AK9: variants seen among roughly 807,000 people sequenced by gnomAD.
The protein encoded by AK9 is adenylate kinase 9, also known as adenylate kinase domain containing 1.
Under a neutral mutation model 239.6 loss-of-function variants are expected in AK9, and 191 were observed. The ratio of observed to expected loss-of-function variants is 0.80; its 90% CI spans 0.71 to 0.90. AK9 has a LOEUF of 0.90. Among genes scored for constraint, AK9 ranks in the 40% least tolerant of loss-of-function variants. The pLI is 0.00. For synonymous variants in AK9, 689 were observed against 721.0 expected, an observed-to-expected ratio of 0.96 and a Z score of 0.71; for missense variants, 1,995 against 2,214.7, an observed-to-expected ratio of 0.90 and a Z score of 1.99.
chr6:109,516,483 C>T lies in AK9; in HGVS notation c.3793G>A (p.Gly1265Ser). 6.4e-7 allele frequency: 1 copy of T among 1,551,678 alleles called. No homozygotes were observed. Among genetic ancestry groups the T allele is most frequent in the African/African-American group, 1.4e-5 (1 of 73,120 alleles). Residue 1265 changes from glycine (G) to serine (S), a missense_variant, in exon 30 of 41, where the codon GGT becomes AGT. Around this residue, in one of 5 missense-constraint regions of AK9, gnomAD observed 1,290 missense variants for 1,392.7 expected, o/e 0.93. Transcript: ENST00000424296. ...GCTTCAAATTTTTCTCCTAGTTCACCTCTCAGGCGCTCAATTGCATCAGTT... is the reference window on the plus strand; with the variant it reads ...GCTTCAAATTTTTCTCCTAGTTCACTTCTCAGGCGCTCAATTGCATCAGTT... ...QETDAIERLR[G>S]ELGEKFEADT...
chr6:109,598,989 G>A (rs1000200590), intron 17 of AK9, among the ~76,000 whole-genome samples: 8 of 151,264 alleles, frequency 5.3e-5, no homozygotes, highest in African/African-American at 1.5e-4. Context: ...TTGTCAGATG[G>A]GTAGATTGCA....
At chr6:109,665,006 C>T (rs1320999942) in intron 5 of AK9, among the ~76,000 whole-genome samples, 2 of 152,082 alleles carry the variant, frequency 1.3e-5, no homozygotes, top group Non-Finnish European at 2.9e-5. Context: ...CACCACTGCA[C>T]TCCAGCCTGG....
At chr6:109,534,860 G>T (rs897842087) in intron 27 of AK9, among the ~76,000 whole-genome samples, 5 of 152,040 alleles carry the variant, frequency 3.3e-5, no homozygotes, top group Non-Finnish European at 5.9e-5. Flanking sequence ...GCGGTGTTTG[G>T]TTTTTTGTCC....
At chr6:109,511,206 TC>T (rs1236722459) in intron 32 of AK9, among the ~76,000 whole-genome samples, 1 of 152,142 alleles carries the variant, frequency 6.6e-6, no homozygotes, top group Non-Finnish European at 1.5e-5. Flanking sequence ...AATATAATAT[TC>T]CTGTTTCACT....
In AK9 at chr6:109,672,408, C is replaced by T. The variant is rs111997269; in HGVS notation, c.182-241G>A. Among the ~76,000 whole-genome samples the T allele has an allele frequency of 6.8e-3, 1,031 of 152,250 alleles. 15 individuals are homozygous for T. The highest frequency in any genetic ancestry group is 0.023 in the African/African-American group (971 of 41,550). ...AGCTTAAGAATCTTGGAGAAGCGAA[C>T]ATGGTGACTCATGTCTGCAATCCCA... On this transcript the variant is annotated intron_variant, in intron 3 of 40. Coordinates refer to ENST00000424296, the MANE Select transcript of AK9 (RefSeq NM_001145128.3).
chr6:109,644,732 A>G (rs773722337), intron 8 of AK9, 44 bp from the exon 9 acceptor site: 4 of 1,505,248 alleles, frequency 2.7e-6, no homozygotes, highest in Non-Finnish European at 3.6e-6. Context: ...GGATCACTAG[A>G]AAAACTGAAT....
intron 40 of AK9, 69 bp from the exon 41 acceptor site, chr6:109,493,640 G>T: frequency 1.5e-6 from 2 of 1,351,666 alleles, no homozygotes; most frequent in Non-Finnish European, 2.1e-6. Context: ...AAAGAGACCT[G>T]GATGTGTGGT....
chr6:109,689,713 AGTTTT>A (rs1213355984), intron 1 of AK9, among the ~76,000 whole-genome samples: 4 of 152,164 alleles, frequency 2.6e-5, no homozygotes, highest in African/African-American at 9.7e-5. Flanking sequence ...CTGCCTTCAA[AGTTTT>A]GTCTTAGGAT....
chr6:109,520,953 G>C (rs1325492194), intron 29 of AK9, among the ~76,000 whole-genome samples: 1 of 151,976 alleles, frequency 6.6e-6, no homozygotes, highest in Non-Finnish European at 1.5e-5. Flanking sequence ...ATTGATTTTT[G>C]TATCCTGAAA....
At chr6:109,619,642 A>G (rs1323674002) in intron 12 of AK9, among the ~76,000 whole-genome samples, 1 of 152,134 alleles carries the variant, frequency 6.6e-6, no homozygotes, top group African/African-American at 2.4e-5. Context: ...ATTAACCACA[A>G]TCAAGATATA....
intron 21 of AK9, among the ~76,000 whole-genome samples, chr6:109,567,305 T>C (rs1189871220): frequency 1.3e-5 from 2 of 152,164 alleles, no homozygotes; most frequent in African/African-American, 2.4e-5. Flanking sequence ...TAAACACTTC[T>C]ACGCAAATAA....
intron 17 of AK9, among the ~76,000 whole-genome samples, chr6:109,600,640 T>A (rs1312887797): frequency 6.6e-6 from 1 of 152,228 alleles, no homozygotes; most frequent in Non-Finnish European, 1.5e-5. Context: ...TTGGATTAGT[T>A]TCAGAAGGAA....
At chr6:109,567,774 CCTAATG>C (rs1197839022) in intron 21 of AK9, among the ~76,000 whole-genome samples, 1 of 149,386 alleles carries the variant, frequency 6.7e-6, no homozygotes, top group Admixed American at 6.7e-5. Flanking sequence ...AGGAGATATA[CCTAATG>C]CAAATGACGA....
chr6:109,646,144 A>G (rs1422295941), intron 8 of AK9, among the ~76,000 whole-genome samples: 1 of 152,228 alleles, frequency 6.6e-6, no homozygotes, highest in African/African-American at 2.4e-5. Context: ...GAGAAACCAG[A>G]GCAGAACAGC....
intron 30 of AK9, 141 bp from the exon 31 acceptor site, chr6:109,516,216 T>G: frequency 1.1e-6 from 1 of 919,708 alleles, no homozygotes; most frequent in Non-Finnish European, 1.6e-6. Flanking sequence ...TGGCTGCATG[T>G]TGGTGACTAA....
At chr6:109,596,522 A>T (rs1791052418) in intron 17 of AK9, among the ~76,000 whole-genome samples, 1 of 152,152 alleles carries the variant, frequency 6.6e-6, no homozygotes, top group Non-Finnish European at 1.5e-5. Context: ...CCTGGCATGG[A>T]GTGGAAAGGA....
At chr6:109,615,258 C>CTTTTT (rs5879032) in intron 13 of AK9, among the ~76,000 whole-genome samples, 1 of 139,292 alleles carries the variant, frequency 7.2e-6, no homozygotes, top group African/African-American at 2.7e-5. Flanking sequence ...GTTCCCTTGG[C>CTTTTT]TTTTTTTTTT....
intron 17 of AK9, among the ~76,000 whole-genome samples, chr6:109,588,739 A>C (rs929759977): frequency 1.6e-4 from 25 of 152,108 alleles, no homozygotes; most frequent in African/African-American, 5.8e-4. Context: ...TTTTTAACCC[A>C]TGTTAATTTT....
intron 17 of AK9, among the ~76,000 whole-genome samples, chr6:109,601,799 C>G (rs1475892991): frequency 2.7e-5 from 4 of 150,906 alleles, no homozygotes; most frequent in East Asian, 3.9e-4. Context: ...ATAGTTAGCT[C>G]TTCTTGTTGA....
Sources: allele counts gnomAD v4.1 joint callset (sites outside exome capture counted in the v4.1 genomes callset), GRCh38; gene constraint gnomAD v4.1.1; regional missense constraint gnomAD v4.1.1; transcripts MANE v1.5; gene names NCBI Gene and HGNC (gene_info 2026-07-23, HGNC 2026-07-21).